CSMD3: variants seen among roughly 807,000 people sequenced by gnomAD.
CSMD3 encodes the protein CUB and Sushi multiple domains 3.
In CSMD3, 177 loss-of-function variants were observed where a neutral mutation model predicts 435.2. The ratio of observed to expected loss-of-function variants is 0.41; its 90% CI spans 0.36 to 0.46. The LOEUF (loss-of-function observed/expected upper bound fraction) is 0.46, where lower values mean the gene tolerates loss of function less well. CSMD3 is among the 20% of genes least tolerant of loss of function. The pLI is 0.34. For missense variants in CSMD3, 4,265 were observed against 4,504.6 expected, an observed-to-expected ratio of 0.95 and a Z score of 1.52; for synonymous variants, 1,656 against 1,520.5, an observed-to-expected ratio of 1.09 and a Z score of -2.07.
chr8:112,842,548 TG>T (rs2080209171), intron 11 of CSMD3, among the ~76,000 whole-genome samples: 1 of 109,976 alleles, frequency 9.1e-6, no homozygotes, highest in South Asian at 3.4e-4. Context: ...ACTAATATTT[TG>T]AACATATATA....
intron 12 of CSMD3, among the ~76,000 whole-genome samples, chr8:112,819,208 T>C (rs1024410109): frequency 1.3e-5 from 2 of 152,038 alleles, no homozygotes; most frequent in Admixed American, 6.6e-5. Flanking sequence ...ACATGGGTTA[T>C]GATGAATGCA....
chr8:112,965,417 G>C (rs2084380534), intron 7 of CSMD3, among the ~76,000 whole-genome samples: 1 of 151,434 alleles, frequency 6.6e-6, no homozygotes, highest in Non-Finnish European at 1.5e-5. Flanking sequence ...ATAAAAATAA[G>C]CTAACAAGAT....
intron 35 of CSMD3, among the ~76,000 whole-genome samples, chr8:112,393,511 C>T (rs1830615460): frequency 6.6e-6 from 1 of 152,156 alleles, no homozygotes; most frequent in South Asian, 2.1e-4. Context: ...ATGTTAGTCT[C>T]TTGAAACAGA....
intron 30 of CSMD3, among the ~76,000 whole-genome samples, chr8:112,500,118 A>C (rs568863849): frequency 1.7e-4 from 26 of 152,296 alleles, no homozygotes; most frequent in Admixed American, 8.5e-4. Context: ...CCAAAAAAAA[A>C]CAAAAGCAGT....
intron 59 of CSMD3, among the ~76,000 whole-genome samples, chr8:112,273,264 A>G (rs1261440294): frequency 6.8e-6 from 1 of 146,284 alleles, no homozygotes; most frequent in African/African-American, 2.6e-5. Flanking sequence ...ATAAATAAAC[A>G]AAATTGTTAT....
rs150474524 is a variant in CSMD3, at chr8:112,976,091, G to C, written c.1088C>G (p.Thr363Ser). Residue 363 changes from threonine to serine, a missense_variant, in exon 7 of 71, where the codon ACT (threonine) becomes AGT (serine). Coordinates refer to ENST00000297405, the MANE Select transcript of CSMD3 (RefSeq NM_198123.2). Reference protein sequence around the residue: ...STGELEEHNRTTTGAIAVAST... With the variant: ...STGELEEHNRSTTGAIAVAST... ...AGCAACAGCAATAGCACCAGTGGTA[G>C]TCCTGTTATGCTCCTCTAACTCACC... 9.4e-5 allele frequency: 151 copies of C among 1,614,044 alleles called. No homozygotes were observed. The African/African-American group carries it at 1.6e-3, about 17-fold the overall frequency.
At chr8:112,233,765 G>C (rs560302963) in intron 68 of CSMD3, among the ~76,000 whole-genome samples, 8 of 152,196 alleles carry the variant, frequency 5.3e-5, no homozygotes, top group African/African-American at 1.9e-4. Flanking sequence ...GTTTTCCACT[G>C]TCAGTCTTAA....
intron 1 of CSMD3, among the ~76,000 whole-genome samples, chr8:113,392,389 G>A (rs892151135): frequency 6.6e-5 from 10 of 152,084 alleles, no homozygotes; most frequent in African/African-American, 2.4e-4. Flanking sequence ...AAGTGGCTAC[G>A]ATTCAGACAC....
At chr8:113,369,494 G>A (rs2133042926) in intron 1 of CSMD3, among the ~76,000 whole-genome samples, 1 of 152,052 alleles carries the variant, frequency 6.6e-6, no homozygotes, top group East Asian at 1.9e-4. Context: ...AAAACAGTAT[G>A]AAGTTTCCTC....
intron 1 of CSMD3, among the ~76,000 whole-genome samples, chr8:113,432,572 G>A (rs536839819): frequency 6.6e-6 from 1 of 152,292 alleles, no homozygotes; most frequent in East Asian, 1.9e-4. Context: ...CACTTGAGCC[G>A]GGGGCTGCCC....
intron 61 of CSMD3, chr8:112,255,641 C>T (rs1002424558): frequency 1.7e-4 from 93 of 553,562 alleles, no homozygotes; most frequent in Middle Eastern, 4.8e-4. Flanking sequence ...AGCTCGATTT[C>T]GATGTTTTCC....
At chr8:113,019,329 T>C (rs2086594189) in intron 5 of CSMD3, 150 bp from the exon 6 acceptor site, 2 of 665,790 alleles carry the variant, frequency 3.0e-6, no homozygotes. Context: ...CTTTTATGCA[T>C]AGAAAAGTCA....
chr8:112,873,853 A>T (rs985685082), intron 10 of CSMD3, among the ~76,000 whole-genome samples: 1 of 152,042 alleles, frequency 6.6e-6, no homozygotes, highest in African/African-American at 2.4e-5. Context: ...TCTTTTCATA[A>T]AACCAGCTCC....
At chr8:113,285,065 C>T (rs948186134) in intron 2 of CSMD3, among the ~76,000 whole-genome samples, 12 of 152,070 alleles carry the variant, frequency 7.9e-5, no homozygotes, top group African/African-American at 2.9e-4. Context: ...TCTATGAAGC[C>T]AGAATAAAAT....
intron 10 of CSMD3, among the ~76,000 whole-genome samples, chr8:112,893,991 TAA>T (rs1048561394): frequency 5.3e-5 from 8 of 151,346 alleles, no homozygotes; most frequent in African/African-American, 1.7e-4. Flanking sequence ...ATAAAATAAA[TAA>T]GAGAGACTCC....
intron 38 of CSMD3, among the ~76,000 whole-genome samples, chr8:112,379,844 C>A (rs539831857): frequency 5.9e-5 from 9 of 152,052 alleles, no homozygotes; most frequent in African/African-American, 1.9e-4. Flanking sequence ...TCCAGATGAA[C>A]CTGGAGGACA....
chr8:112,614,526 C>T (rs1833516945), intron 22 of CSMD3, among the ~76,000 whole-genome samples: 1 of 152,014 alleles, frequency 6.6e-6, no homozygotes, highest in Non-Finnish European at 1.5e-5. Context: ...ATGTCCCCCA[C>T]TCCCAGGGCC....
chr8:113,223,172 T>C (rs1222416085), intron 3 of CSMD3, among the ~76,000 whole-genome samples: 2 of 150,728 alleles, frequency 1.3e-5, no homozygotes, highest in Non-Finnish European at 3.0e-5. Flanking sequence ...TTGAATGAAT[T>C]AATATTTACT....
chr8:112,963,976 T>C (rs1347756805), intron 7 of CSMD3, among the ~76,000 whole-genome samples: 5 of 151,996 alleles, frequency 3.3e-5, no homozygotes, highest in African/African-American at 9.7e-5. Context: ...TACAGGATTT[T>C]TATATAACCA....
Sources: gnomAD v4.1 joint callset for allele counts (sites outside exome capture counted in the v4.1 genomes callset) on GRCh38, gnomAD v4.1.1 for gene constraint, MANE v1.5 for transcripts, NCBI Gene and HGNC (gene_info 2026-07-23, HGNC 2026-07-21) for gene names.